Variants in EDIL3 observed in about 807,000 individuals in gnomAD.
The protein encoded by EDIL3 is EGF like and discoidin domains 3.
In EDIL3, 37 loss-of-function variants were observed where a neutral mutation model predicts 67.4. That is an observed-to-expected ratio of 0.55 (90% confidence interval 0.42 to 0.72). The LOEUF is 0.72. Among genes scored for constraint, EDIL3 ranks in the 30% least tolerant of loss-of-function variants. The pLI, the probability that EDIL3 is intolerant of heterozygous loss-of-function variation, is 0.00. For missense variants in EDIL3, 527 were observed against 586.3 expected, an observed-to-expected ratio of 0.90 and a Z score of 1.04; for synonymous variants, 195 against 196.3, an observed-to-expected ratio of 0.99 and a Z score of 0.05.
Position 83,943,326 on chromosome 5 carries a change from AAAC to A in EDIL3, c.*90_*92del. On this transcript the variant is annotated 3_prime_UTR_variant, in exon 11 of 11. Transcript: ENST00000296591. Reference sequence around the variant, plus strand: ...GCACTTTTTCATGAAAAAAAAAAAAAAACCATTCAGTTTCCTACAGATTTTGCA... The same window carrying A: ...GCACTTTTTCATGAAAAAAAAAAAAACATTCAGTTTCCTACAGATTTTGCA... The A allele has an allele frequency of 1.3e-6, 2 of 1,543,548 alleles. No individual in the cohort carries two copies. Among genetic ancestry groups the A allele is most frequent in the East Asian group, 4.6e-5 (2 of 43,738 alleles).
intron 1 of EDIL3, among the ~76,000 whole-genome samples, chr5:84,266,410 T>C (rs898189053): frequency 4.6e-5 from 7 of 152,208 alleles, no homozygotes; most frequent in Admixed American, 3.3e-4. Flanking sequence ...ATCTCTGCTA[T>C]TGAAGAGGCT....
chr5:84,324,619 A>G (rs554242140), intron 1 of EDIL3, among the ~76,000 whole-genome samples: 17 of 151,792 alleles, frequency 1.1e-4, no homozygotes, highest in Non-Finnish European at 2.4e-4. Flanking sequence ...AAACTAATAA[A>G]AAGTTGATTC....
chr5:84,169,106 C>T (rs1748764513), intron 4 of EDIL3, among the ~76,000 whole-genome samples: 1 of 151,934 alleles, frequency 6.6e-6, no homozygotes, highest in African/African-American at 2.4e-5. Context: ...TAGGAGCAAG[C>T]TTCTTTGGCT....
Position 84,254,140 on chromosome 5 carries a change from G to A in EDIL3, c.140C>T (p.Ser47Phe). ...TGTGAAGCCATCTGGACACTCACAG[G>A]AAAAGGAACCATCAGCCAATCCTGG... The part of the protein sequence containing the change: ...CLPGLADGSF[S>F]CECPDGFTDP... The change falls in exon 2 of 11, where the codon TCC (serine) becomes TTC (phenylalanine). Residue 47 changes from serine to phenylalanine, a missense_variant. This residue lies in a region of EDIL3 where 494 missense variants were observed against 522.5 expected (regional missense o/e 0.95). Coordinates refer to ENST00000296591, the MANE Select transcript of EDIL3 (RefSeq NM_005711.5). The A allele has an allele frequency of 1.2e-6, 2 of 1,613,072 alleles. No homozygotes were observed. The highest frequency in any genetic ancestry group is 1.7e-6 in the Non-Finnish European group (2 of 1,179,482).
intron 3 of EDIL3, among the ~76,000 whole-genome samples, chr5:84,191,197 A>G (rs1172525688): frequency 6.6e-6 from 1 of 152,098 alleles, no homozygotes; most frequent in Non-Finnish European, 1.5e-5. Context: ...GTGTGTTAAA[A>G]ATAAGTATAC....
intron 1 of EDIL3, among the ~76,000 whole-genome samples, chr5:84,329,811 A>G (rs550178674): frequency 1.9e-4 from 29 of 152,254 alleles, no homozygotes; most frequent in Non-Finnish European, 3.5e-4. Flanking sequence ...ATTTTCACAT[A>G]TTGTATTCAC....
intron 3 of EDIL3, among the ~76,000 whole-genome samples, chr5:84,204,308 C>A (rs576284451): frequency 2.0e-5 from 3 of 152,226 alleles, no homozygotes; most frequent in Admixed American, 6.5e-5. Flanking sequence ...ATATAGGACA[C>A]AGCCAATTTT....
chr5:84,086,256 G>A (rs1437299779), intron 6 of EDIL3, among the ~76,000 whole-genome samples: 1 of 152,172 alleles, frequency 6.6e-6, no homozygotes, highest in African/African-American at 2.4e-5. Context: ...CCAAACAGCC[G>A]CTCAGTTGTG....
intron 3 of EDIL3, among the ~76,000 whole-genome samples, chr5:84,222,657 A>G (rs561188454): frequency 6.6e-6 from 1 of 151,992 alleles, no homozygotes; most frequent in African/African-American, 2.4e-5. Context: ...ATGATTGTCA[A>G]AAGGATTATC....
At chr5:84,312,397 A>T (rs1219173111) in intron 1 of EDIL3, among the ~76,000 whole-genome samples, 19 of 105,934 alleles carry the variant, frequency 1.8e-4, no homozygotes, top group African/African-American at 5.2e-4. Context: ...CTCCCCCACC[A>T]CCCTCCCGGA....
At chr5:84,199,213 A>G (rs1343332502) in intron 3 of EDIL3, among the ~76,000 whole-genome samples, 1 of 151,900 alleles carries the variant, frequency 6.6e-6, no homozygotes. Flanking sequence ...GTTGACTTTC[A>G]TTTGTTTTTG....
chr5:84,035,311 T>TA (rs897259425), intron 9 of EDIL3, among the ~76,000 whole-genome samples: 39 of 152,150 alleles, frequency 2.6e-4, no homozygotes, highest in African/African-American at 8.7e-4. Flanking sequence ...GGTAGGATCA[T>TA]AATTTCATTT....
At chr5:84,018,153 T>C (rs566586729) in intron 9 of EDIL3, among the ~76,000 whole-genome samples, 1 of 152,196 alleles carries the variant, frequency 6.6e-6, no homozygotes, top group African/African-American at 2.4e-5. Flanking sequence ...GTGGCATGGT[T>C]GTCTAAAGTA....
At chr5:84,298,380 G>A (rs1163756674) in intron 1 of EDIL3, among the ~76,000 whole-genome samples, 2 of 152,120 alleles carry the variant, frequency 1.3e-5, no homozygotes, top group Non-Finnish European at 2.9e-5. Flanking sequence ...CACAGGAACA[G>A]AAAACTAAAC....
chr5:84,383,830 G>A (rs1456328038), intron 1 of EDIL3, among the ~76,000 whole-genome samples: 2 of 152,276 alleles, frequency 1.3e-5, no homozygotes, highest in East Asian at 3.9e-4. Context: ...CCCTGCGCCA[G>A]AGCACCGCAC....
At position 84,229,562 on chromosome 5, in the gene EDIL3, T is replaced by C. The variant is rs549140273; in HGVS notation, c.226+293A>G. Reference sequence around the variant, plus strand: ...TATTATTTTTCTGTATTTTTCTCAATGTTCTCATTTTCCAATTTTCCTTAT... The same window carrying C: ...TATTATTTTTCTGTATTTTTCTCAACGTTCTCATTTTCCAATTTTCCTTAT... On this transcript the variant is annotated intron_variant, in intron 3 of 10. Transcript: ENST00000296591. 3.3e-5 allele frequency among the ~76,000 whole-genome samples: 5 copies of C among 152,276 alleles called. No homozygotes were observed. In the East Asian group the frequency reaches 7.7e-4, roughly 24 times the overall value.
intron 1 of EDIL3, among the ~76,000 whole-genome samples, chr5:84,289,478 T>C (rs1244290635): frequency 6.6e-6 from 1 of 152,166 alleles, no homozygotes; most frequent in African/African-American, 2.4e-5. Context: ...CTGCTCAGCA[T>C]TGATAAATGC....
intron 1 of EDIL3, among the ~76,000 whole-genome samples, chr5:84,352,093 C>T (rs1471313343): frequency 1.3e-5 from 2 of 151,982 alleles, no homozygotes; most frequent in African/African-American, 4.8e-5. Context: ...GATATAACAT[C>T]TCACATCAGT....
At chr5:84,348,231 A>T (rs1023178676) in intron 1 of EDIL3, among the ~76,000 whole-genome samples, 8 of 152,184 alleles carry the variant, frequency 5.3e-5, no homozygotes, top group Non-Finnish European at 7.3e-5. Context: ...TTATACAGCA[A>T]GTCCCTGCAG....
Sources: gnomAD v4.1 joint callset for allele counts (sites outside exome capture counted in the v4.1 genomes callset) on GRCh38, gnomAD v4.1.1 for gene constraint, gnomAD v4.1.1 regional missense constraint, MANE v1.5 for transcripts, NCBI Gene and HGNC (gene_info 2026-07-23, HGNC 2026-07-21) for gene names.